Variants in BRAF observed in about 807,000 individuals in gnomAD.
BRAF encodes B-Raf proto-oncogene, serine/threonine kinase.
BRAF carries 16 observed loss-of-function variants against 104.6 expected under a neutral mutation model. The ratio of observed to expected loss-of-function variants is 0.15; its 90% CI spans 0.10 to 0.23. BRAF has a LOEUF of 0.23. Among genes scored for constraint, BRAF ranks in the 10% least tolerant of loss-of-function variants. The pLI is 1.00. For synonymous variants in BRAF, 310 were observed against 341.6 expected (o/e 0.91, Z 1.02); for missense variants, 541 against 937.3 (o/e 0.58, Z 5.52).
chr7:140,772,272 TACAACAACAACAACAACA>T lies in BRAF; in HGVS notation c.1814+4622_1814+4639del, dbSNP rs61337459. On this transcript the variant is annotated intron_variant, in intron 14 of 19. Transcript: ENST00000644969. ...GCCTGATTAAAACAGATTGTTTAAC[TACAACAACAACAACAACA>T]ACAACAACAACAACAACAACAACAA... Among the ~76,000 whole-genome samples the T allele has an allele frequency of 1.5e-3, 230 of 149,314 alleles. 2 individuals are homozygous for T. Among genetic ancestry groups the T allele is most frequent in the African/African-American group, 5.0e-3 (204 of 40,404 alleles).
chr7:140,753,785 G>A (rs148857762), intron 15 of BRAF: 8 of 311,074 alleles, frequency 2.6e-5, no homozygotes, highest in Non-Finnish European at 4.9e-5. Context: ...TCTGCACTTA[G>A]GGAAGAGAAA....
At chr7:140,739,528 G>T (rs1004098195) in intron 18 of BRAF, among the ~76,000 whole-genome samples, 1 of 146,072 alleles carries the variant, frequency 6.8e-6, no homozygotes, top group African/African-American at 2.4e-5. Context: ...GTGGGGGGGG[G>T]GGTCTTCGAT....
At chr7:140,717,475 T>C (rs1394286701), downstream of BRAF, among the ~76,000 whole-genome samples, 1 of 152,154 alleles carries the variant, frequency 6.6e-6, no homozygotes, top group South Asian at 2.1e-4. Flanking sequence ...CTGGAACTCC[T>C]GGCTTCAAGT....
In BRAF at chr7:140,721,834, A is replaced by T. The variant is rs1795340260; in HGVS notation, c.*4660T>A. The T allele has an allele frequency of 7.4e-7, 1 of 1,351,442 alleles. No individual in the cohort carries two copies. Among genetic ancestry groups the T allele is most frequent in the East Asian group, 2.9e-5 (1 of 34,584 alleles). 83.7% of individuals were successfully genotyped at this position (1,351,442 alleles called of 1,614,324 possible). ...TCATAAAGGATGCCTTGAGACCTCCACCCTGGCCCCCACAGCGCTTTGGGA... is the reference window on the plus strand; with the variant it reads ...TCATAAAGGATGCCTTGAGACCTCCTCCCTGGCCCCCACAGCGCTTTGGGA... On this transcript the variant is annotated 3_prime_UTR_variant, in exon 20 of 20. Coordinates refer to ENST00000644969, the MANE Select transcript of BRAF (RefSeq NM_001374258.1).
chr7:140,849,292 T>C (rs1808899170), intron 2 of BRAF, among the ~76,000 whole-genome samples: 1 of 152,160 alleles, frequency 6.6e-6, no homozygotes, highest in South Asian at 2.1e-4. Context: ...GATTAATGAA[T>C]ATAAATTTAC....
intron 1 of BRAF, among the ~76,000 whole-genome samples, chr7:140,905,691 CT>C (rs56891522): frequency 0.056 from 8,481 of 152,212 alleles, 283 homozygotes; most frequent in South Asian, 0.11. Context: ...CTGGTTCTTT[CT>C]TTTCTTCACT....
At chr7:140,881,243 A>C (rs1251585451) in intron 1 of BRAF, among the ~76,000 whole-genome samples, 1 of 152,202 alleles carries the variant, frequency 6.6e-6, no homozygotes, top group African/African-American at 2.4e-5. Context: ...TGGAATGATA[A>C]ATGAGCACTG....
intron 2 of BRAF, among the ~76,000 whole-genome samples, chr7:140,836,906 C>T (rs1174571405): frequency 6.6e-6 from 1 of 152,124 alleles, no homozygotes; most frequent in African/African-American, 2.4e-5. Flanking sequence ...AGTACAGTTA[C>T]TAGACAAAAT....
intron 18 of BRAF, among the ~76,000 whole-genome samples, chr7:140,736,702 C>T (rs944392180): frequency 6.7e-6 from 1 of 149,930 alleles, no homozygotes; most frequent in African/African-American, 2.4e-5. Flanking sequence ...GCTGGGATTA[C>T]AGGCGTGAGC....
At chr7:140,828,313 T>C (rs560567153) in intron 3 of BRAF, among the ~76,000 whole-genome samples, 1 of 152,312 alleles carries the variant, frequency 6.6e-6, no homozygotes, top group South Asian at 2.1e-4. Context: ...AAATAGATGG[T>C]GGGTTAGATT....
At position 140,726,162 on chromosome 7, in the gene BRAF, T is replaced by G; in HGVS notation, c.*332A>C. 1 of 1,140,816 alleles carries G rather than the reference T, an allele frequency of 8.8e-7. No individual in the cohort carries two copies. Among genetic ancestry groups the G allele is most frequent in the Non-Finnish European group, 1.1e-6 (1 of 929,172 alleles). The allele number at this position is 1,140,816 out of a possible 1,614,324, so 70.7% of individuals were successfully genotyped here. ...TGACTGGCAGACTTTCCATAGCAAA[T>G]CTCCCAAGCTGTAGCAGCAGTTTCT... On this transcript the variant is annotated 3_prime_UTR_variant, in exon 20 of 20. Transcript: ENST00000644969.
At chr7:140,865,634 A>G (rs1477276758) in intron 1 of BRAF, among the ~76,000 whole-genome samples, 3 of 152,218 alleles carry the variant, frequency 2.0e-5, no homozygotes, top group Non-Finnish European at 4.4e-5. Flanking sequence ...TGAAACAAAT[A>G]GTATCACTTG....
At chr7:140,838,656 A>C (rs1487930244) in intron 2 of BRAF, among the ~76,000 whole-genome samples, 1 of 152,214 alleles carries the variant, frequency 6.6e-6, no homozygotes, top group Non-Finnish European at 1.5e-5. Context: ...TTATCAAAAC[A>C]ATCTTATAAA....
rs567041824 is a variant in BRAF, at chr7:140,915,261, T to G, written c.138+9305A>C. Among the ~76,000 whole-genome samples, 92 of 152,110 alleles carry G rather than the reference T, an allele frequency of 6.0e-4. 1 individual carries two copies. Among genetic ancestry groups the G allele is most frequent in the Admixed American group, 2.2e-3 (34 of 15,278 alleles). On this transcript the variant is annotated intron_variant, in intron 1 of 19. Transcript: ENST00000644969. ...AAGCAGTACATTAAACTGTTTAAAA[T>G]ATGCCAAAATAAGTGACTAATTCAA...
chr7:140,908,732 C>T (rs190637417), intron 1 of BRAF, among the ~76,000 whole-genome samples: 25 of 152,296 alleles, frequency 1.6e-4, no homozygotes, highest in Admixed American at 3.3e-4. Context: ...CTTAACCTAA[C>T]GATAGAGTCA....
intron 1 of BRAF, among the ~76,000 whole-genome samples, chr7:140,852,390 CA>C (rs58493064): frequency 1.4e-3 from 123 of 89,474 alleles, no homozygotes; most frequent in South Asian, 2.3e-3. Flanking sequence ...CACAACCTGC[CA>C]AAAAAAAAAA....
chr7:140,906,641 A>T (rs545356391), intron 1 of BRAF, among the ~76,000 whole-genome samples: 1 of 152,306 alleles, frequency 6.6e-6, no homozygotes, highest in South Asian at 2.1e-4. Context: ...TATACTTCAT[A>T]ATTTCCTTTA....
At chr7:140,821,649 T>C (rs1296440336) in intron 3 of BRAF, among the ~76,000 whole-genome samples, 1 of 152,028 alleles carries the variant, frequency 6.6e-6, no homozygotes. Context: ...TGTAAATTGG[T>C]TAGGCACTGT....
At chr7:140,782,241 T>C (rs1187887711) in intron 11 of BRAF, among the ~76,000 whole-genome samples, 3 of 152,294 alleles carry the variant, frequency 2.0e-5, no homozygotes, top group African/African-American at 7.2e-5. Context: ...AAATTATTTA[T>C]GGGGTATGAG....
Sources: gnomAD v4.1 joint callset for allele counts (sites outside exome capture counted in the v4.1 genomes callset) on GRCh38, gnomAD v4.1.1 for gene constraint, MANE v1.5 for transcripts, NCBI Gene and HGNC (gene_info 2026-07-23, HGNC 2026-07-21) for gene names.